The following ZNF280D variants were observed in gnomAD, a reference collection of about 807,000 sequenced individuals.
ZNF280D encodes the protein suppressor of hairy wing homolog 4.
In ZNF280D, 39 loss-of-function variants were observed where a neutral mutation model predicts 94.7. The observed-to-expected ratio is 0.41, with a 90% confidence interval of 0.32 to 0.54. ZNF280D has a LOEUF of 0.54. Among genes scored for constraint, ZNF280D ranks in the 20% least tolerant of loss-of-function variants. ZNF280D has a pLI of 0.22. For missense variants in ZNF280D, 1,090 were observed against 1,149.3 expected (o/e 0.95, Z 0.75); for synonymous variants, 398 against 377.6 (o/e 1.05, Z -0.63).
intron 9 of ZNF280D, among the ~76,000 whole-genome samples, chr15:56,685,204 C>A (rs1320097962): frequency 2.0e-5 from 3 of 152,090 alleles, no homozygotes; most frequent in Admixed American, 2.0e-4. Context: ...TGTTTTCAGA[C>A]TCCTCCTAAA....
At chr15:56,725,292 G>C (rs1355451193) in intron 1 of ZNF280D, among the ~76,000 whole-genome samples, 1 of 151,518 alleles carries the variant, frequency 6.6e-6, no homozygotes, top group African/African-American at 2.4e-5. Context: ...AAAGATGTGT[G>C]GTTGACTAAA....
At chr15:56,733,195 G>A (rs890649800) in intron 1 of ZNF280D, among the ~76,000 whole-genome samples, 1 of 152,188 alleles carries the variant, frequency 6.6e-6, no homozygotes, top group African/African-American at 2.4e-5. Context: ...GAAGGCGAAG[G>A]CCTGCGCGGC....
intron 1 of ZNF280D, among the ~76,000 whole-genome samples, chr15:56,719,744 T>C (rs1175083873): frequency 2.0e-5 from 3 of 152,118 alleles, no homozygotes; most frequent in Non-Finnish European, 4.4e-5. Flanking sequence ...AAAGTGAATA[T>C]TGCAATAAAG....
intron 14 of ZNF280D, 25 bp downstream of exon 14, chr15:56,668,798 T>G: frequency 6.4e-7 from 1 of 1,560,150 alleles, no homozygotes; most frequent in Non-Finnish European, 8.7e-7. Flanking sequence ...TACAAAATGT[T>G]AAAATACAAT....
chr15:56,702,697 T>C (rs1391343071), intron 4 of ZNF280D, among the ~76,000 whole-genome samples: 6 of 152,180 alleles, frequency 3.9e-5, no homozygotes, highest in African/African-American at 1.4e-4. Context: ...TAATTCATTT[T>C]ATAATCCAAG....
intron 6 of ZNF280D, chr15:56,699,359 A>T: frequency 3.2e-6 from 3 of 942,086 alleles, no homozygotes; most frequent in South Asian, 4.9e-5. Context: ...AAATCACTAA[A>T]TTCTTTAATA....
intron 1 of ZNF280D, among the ~76,000 whole-genome samples, chr15:56,724,484 C>T (rs562653454): frequency 2.6e-5 from 4 of 152,062 alleles, no homozygotes; most frequent in Admixed American, 1.3e-4. Context: ...CATTGTATAG[C>T]CCAAATAGAA....
intron 16 of ZNF280D, among the ~76,000 whole-genome samples, chr15:56,665,700 T>A (rs2054240135): frequency 9.1e-5 from 3 of 32,788 alleles, no homozygotes; most frequent in African/African-American, 1.2e-4. Flanking sequence ...CGAGACTCCG[T>A]CTCAAAAAAA....
Position 56,638,236 on chromosome 15 carries a change from A to G in ZNF280D, c.2260-2986T>C, listed in dbSNP as rs566078724. On this transcript the variant is annotated intron_variant, in intron 20 of 21. Transcript: ENST00000267807. The stretch of plus-strand genomic sequence containing the variant: ...AGTGCTTGATATTATATAATGAAAT[A>G]TTTCAACATTTGGAAGATCCAGGGC... 1.3e-3 allele frequency among the ~76,000 whole-genome samples: 199 copies of G among 152,338 alleles called. 1 individual carries two copies. The highest frequency in any genetic ancestry group is 4.6e-3 in the African/African-American group (192 of 41,566).
Position 56,678,732 on chromosome 15 carries a change from C to T in ZNF280D, c.1094G>A (p.Arg365His), listed in dbSNP as rs1224779000. The stretch of plus-strand genomic sequence containing the variant: ...CAACTGAAATGGTGTGGGAAACTGA[C>T]GGTAGCAGTGCTGGCAGGTGGTATG... The part of the protein sequence containing the change: ...ENHTTCQHCY[R>H]QFPTPFQLQC... The change falls in exon 11 of 22, where the codon CGT becomes CAT. Residue 365 changes from arginine (R) to histidine (H), a missense_variant. By Grantham distance (29) the Arg-to-His change is conservative. Transcript: ENST00000267807. 5.6e-6 allele frequency: 9 copies of T among 1,613,148 alleles called. No homozygotes were observed. Among genetic ancestry groups the T allele is most frequent in the South Asian group, 3.3e-5 (3 of 90,954 alleles).
At chr15:56,701,744 CG>C (rs1234403956) in intron 4 of ZNF280D, among the ~76,000 whole-genome samples, 1 of 151,942 alleles carries the variant, frequency 6.6e-6, no homozygotes, top group African/African-American at 2.4e-5. Context: ...AAAATCTCAT[CG>C]GATTATCTAC....
At position 56,653,045 on chromosome 15, in the gene ZNF280D, G is replaced by A. The variant is rs544458380; in HGVS notation, c.2213+1153C>T. 1.0e-4 allele frequency: 97 copies of A among 967,762 alleles called. No homozygotes were observed. The South Asian group carries it at 1.1e-3, about 11-fold the overall frequency. 59.9% of individuals were successfully genotyped at this position (967,762 alleles called of 1,614,324 possible). A position where few individuals can be genotyped will look rare whatever the true frequency, so the allele number is the denominator to read the frequency against. Reference sequence around the variant, plus strand: ...TTTAAAAAATCAAAATGCAAGAATCGGTATTGTTAAAAAATTACAGAATTA... The same window carrying A: ...TTTAAAAAATCAAAATGCAAGAATCAGTATTGTTAAAAAATTACAGAATTA... On this transcript the variant is annotated intron_variant, in intron 19 of 21. Coordinates refer to ENST00000267807, the MANE Select transcript of ZNF280D (RefSeq NM_017661.4).
chr15:56,653,194 T>C, intron 19 of ZNF280D: 1 of 1,055,734 alleles, frequency 9.5e-7, no homozygotes, highest in Non-Finnish European at 1.1e-6. Flanking sequence ...AGTTTTTATA[T>C]TCCTTGGACT....
At chr15:56,658,814 AT>A (rs1463790979) in intron 16 of ZNF280D, among the ~76,000 whole-genome samples, 1 of 152,182 alleles carries the variant, frequency 6.6e-6, no homozygotes, top group Non-Finnish European at 1.5e-5. Flanking sequence ...GTTGAAAACA[AT>A]TCTAAATTTT....
chr15:56,732,904 G>A (rs567713844), intron 1 of ZNF280D: 1 of 152,236 alleles, frequency 6.6e-6, no homozygotes, highest in Admixed American at 6.5e-5. Flanking sequence ...TTCTATGGCA[G>A]AGGAGGGGAG....
chr15:56,692,050 AT>A (rs541856857), intron 7 of ZNF280D, among the ~76,000 whole-genome samples: 61 of 152,254 alleles, frequency 4.0e-4, no homozygotes, highest in Admixed American at 1.0e-3. Context: ...TACAGAAAGA[AT>A]AGGAGTCATT....
intron 13 of ZNF280D, among the ~76,000 whole-genome samples, chr15:56,673,428 C>T (rs1379870308): frequency 6.6e-6 from 1 of 151,998 alleles, no homozygotes; most frequent in African/African-American, 2.4e-5. Context: ...AACTTCAAAA[C>T]CATTCATAAT....
rs1189941276 is a variant in ZNF280D at position 56,722,972 on chromosome 15, G to GC, written c.-86+10485dup. Among the ~76,000 whole-genome samples, 9 of 151,226 alleles carry GC rather than the reference G, an allele frequency of 6.0e-5. No homozygotes were observed. The East Asian group carries it at 1.8e-3, about 30-fold the overall frequency. ...AAACCATCATTCTCAGTAAACTATC[G>GC]CAAGAACAGAAAACCAAACACCGCA... On this transcript the variant is annotated intron_variant, in intron 1 of 21. Coordinates refer to ENST00000267807, the MANE Select transcript of ZNF280D (RefSeq NM_017661.4).
Position 56,650,520 on chromosome 15 carries a change from C to T in ZNF280D, c.2213+3678G>A, listed in dbSNP as rs796355571. Reference sequence around the variant, plus strand: ...CCCATTGTACTTTGCTTAGAACAAACATGGATGTCACTCAGAGAACTAAAT... The same window carrying T: ...CCCATTGTACTTTGCTTAGAACAAATATGGATGTCACTCAGAGAACTAAAT... On this transcript the variant is annotated intron_variant, in intron 19 of 21. Transcript: ENST00000267807. Among the ~76,000 whole-genome samples the T allele has an allele frequency of 4.6e-5, 7 of 152,200 alleles. 1 individual carries two copies. Among genetic ancestry groups the T allele is most frequent in the African/African-American group, 1.7e-4 (7 of 41,554 alleles).
Sources: gnomAD v4.1 joint callset for allele counts (sites outside exome capture counted in the v4.1 genomes callset) on GRCh38, gnomAD v4.1.1 for gene constraint, MANE v1.5 for transcripts, NCBI Gene and HGNC (gene_info 2026-07-23, HGNC 2026-07-21) for gene names.